The following PRKG1 variants were observed in gnomAD, a reference collection of about 807,000 sequenced individuals.
PRKG1 encodes the protein protein kinase cGMP-dependent 1.
In PRKG1, 35 loss-of-function variants were observed where a neutral mutation model predicts 88.1. The observed-to-expected ratio is 0.40, with a 90% CI of 0.30 to 0.53. The LOEUF (loss-of-function observed/expected upper bound fraction) is 0.53, where lower values mean the gene tolerates loss of function less well. Among genes scored for constraint, PRKG1 ranks in the 20% least tolerant of loss-of-function variants. The pLI, the probability that PRKG1 is intolerant of heterozygous loss-of-function variation, is 0.59. For synonymous variants in PRKG1, 303 were observed against 292.5 expected, an observed-to-expected ratio of 1.04 and a Z score of -0.37; for missense variants, 540 against 839.8, an observed-to-expected ratio of 0.64 and a Z score of 4.41.
intron 5 of PRKG1, among the ~76,000 whole-genome samples, chr10:51,952,121 T>A (rs574474277): frequency 6.6e-6 from 1 of 152,172 alleles, no homozygotes; most frequent in African/African-American, 2.4e-5. Context: ...AGAAAAAGCT[T>A]GCCAATCCCT....
intron 5 of PRKG1, among the ~76,000 whole-genome samples, chr10:51,913,314 G>C (rs141628529): frequency 1.4e-3 from 207 of 152,292 alleles, no homozygotes; most frequent in African/African-American, 4.9e-3. Context: ...AATGGATCTT[G>C]TCACCCAGGT....
intron 2 of PRKG1, among the ~76,000 whole-genome samples, chr10:51,330,160 T>A (rs141695846): frequency 0.038 from 5,308 of 137,922 alleles, 150 homozygotes; most frequent in East Asian, 0.08. Flanking sequence ...TTATTTATTT[T>A]TTTTTTTTGA....
intron 1 of PRKG1, among the ~76,000 whole-genome samples, chr10:51,035,220 G>A (rs1843338561): frequency 6.6e-6 from 1 of 152,170 alleles, no homozygotes; most frequent in Non-Finnish European, 1.5e-5. Flanking sequence ...TCTGCAAACA[G>A]GAATAATAAT....
At chr10:51,372,824 T>C (rs1362352323) in intron 2 of PRKG1, among the ~76,000 whole-genome samples, 1 of 152,172 alleles carries the variant, frequency 6.6e-6, no homozygotes, top group Non-Finnish European at 1.5e-5. Context: ...AATATGGTGG[T>C]TTAAATTTAT....
chr10:52,216,092 G>A (rs938368444), intron 9 of PRKG1, among the ~76,000 whole-genome samples: 5 of 152,208 alleles, frequency 3.3e-5, no homozygotes, highest in African/African-American at 1.2e-4. Flanking sequence ...AGTAAGAAGA[G>A]AGCTAGCAGA....
chr10:51,643,682 C>A (rs1308780469), intron 3 of PRKG1, among the ~76,000 whole-genome samples: 3 of 152,252 alleles, frequency 2.0e-5, no homozygotes, highest in Non-Finnish European at 4.4e-5. Context: ...CAAAGTAATT[C>A]TCTGGTGTCC....
Position 51,400,454 on chromosome 10 carries a change from A to G in PRKG1, c.479-67269A>G, listed in dbSNP as rs1837706415. Among the ~76,000 whole-genome samples, 7 of 152,156 alleles carry G rather than the reference A, an allele frequency of 4.6e-5. No homozygotes were observed. The South Asian group carries it at 1.5e-3, about 32-fold the overall frequency. On this transcript the variant is annotated intron_variant, in intron 2 of 17. Transcript: ENST00000373980. ...AGAGATGGAGTCTTCTGCCAGGGTA[A>G]TGGTAAGTTCAAAGGCCCTGAAACA... is the stretch of plus-strand genomic sequence containing the variant.
chr10:52,018,050 G>A (rs1257213255), intron 5 of PRKG1, among the ~76,000 whole-genome samples: 2 of 151,982 alleles, frequency 1.3e-5, no homozygotes, highest in Non-Finnish European at 2.9e-5. Context: ...GTATTTTTTG[G>A]CCATCCACAG....
intron 2 of PRKG1, among the ~76,000 whole-genome samples, chr10:51,328,273 G>C (rs1209320896): frequency 6.6e-6 from 1 of 152,092 alleles, no homozygotes; most frequent in East Asian, 1.9e-4. Context: ...GTGATGTCTT[G>C]TAGGTTCATC....
At chr10:50,999,821 C>T (rs1186663652) in intron 1 of PRKG1, among the ~76,000 whole-genome samples, 1 of 152,140 alleles carries the variant, frequency 6.6e-6, no homozygotes, top group African/African-American at 2.4e-5. Context: ...AAAAATTTTC[C>T]AAATAGAAAA....
intron 4 of PRKG1, among the ~76,000 whole-genome samples, chr10:51,894,204 A>G (rs1283085812): frequency 1.3e-5 from 2 of 152,218 alleles, no homozygotes; most frequent in Non-Finnish European, 2.9e-5. Flanking sequence ...CCAAATGAAA[A>G]TAATTGACTG....
intron 7 of PRKG1, chr10:52,125,626 TC>T (rs1438220825): frequency 6.6e-6 from 1 of 152,158 alleles, no homozygotes; most frequent in Non-Finnish European, 1.5e-5. Context: ...GTAATGCCTT[TC>T]CTATCTTAAC....
chr10:52,290,431 C>A, intron 17 of PRKG1, 141 bp downstream of exon 17: 1 of 715,114 alleles, frequency 1.4e-6, no homozygotes, highest in Non-Finnish European at 2.1e-6. Flanking sequence ...AAAATAATGA[C>A]ATATTCTAAA....
At chr10:51,923,628 A>C (rs2132985221) in intron 5 of PRKG1, among the ~76,000 whole-genome samples, 3 of 151,694 alleles carry the variant, frequency 2.0e-5, no homozygotes, top group Admixed American at 2.0e-4. Context: ...TTAACACTAC[A>C]TCACTTCACA....
chr10:52,160,832 A>G (rs1316797720), intron 8 of PRKG1, among the ~76,000 whole-genome samples: 3 of 152,078 alleles, frequency 2.0e-5, no homozygotes, highest in African/African-American at 7.2e-5. Context: ...TATCTCCATT[A>G]TAATTAGAGA....
At chr10:51,285,482 G>T (rs867718249) in intron 2 of PRKG1, among the ~76,000 whole-genome samples, 1 of 152,124 alleles carries the variant, frequency 6.6e-6, no homozygotes, top group Non-Finnish European at 1.5e-5. Flanking sequence ...TTGCACAGGT[G>T]CTTTATCTCT....
chr10:52,147,754 C>A (rs920821575), intron 8 of PRKG1, among the ~76,000 whole-genome samples: 1 of 152,016 alleles, frequency 6.6e-6, no homozygotes, highest in Admixed American at 6.6e-5. Flanking sequence ...AAAGGTAGAC[C>A]GGATGGGCTT....
chr10:51,371,962 G>A (rs903829538), intron 2 of PRKG1, among the ~76,000 whole-genome samples: 1 of 151,908 alleles, frequency 6.6e-6, no homozygotes, highest in African/African-American at 2.4e-5. Context: ...GTCCCCTGCT[G>A]TAAGAGTTTC....
rs73334502 is a variant in PRKG1, at chr10:51,465,149, C to T, written c.479-2574C>T. 5.4e-3 allele frequency among the ~76,000 whole-genome samples: 825 copies of T among 152,206 alleles called. 6 individuals carry two copies. The highest frequency in any genetic ancestry group is 0.019 in the African/African-American group (786 of 41,520). ...GCAGTGAAGGGATATTCACTCTTTC[C>T]TATGGGGCGAATATCTTATCTTTAC... On this transcript the variant is annotated intron_variant, in intron 2 of 17. Transcript: ENST00000373980.
Sources: gnomAD v4.1 joint callset for allele counts (sites outside exome capture counted in the v4.1 genomes callset) on GRCh38, gnomAD v4.1.1 for gene constraint, MANE v1.5 for transcripts, NCBI Gene and HGNC (gene_info 2026-07-23, HGNC 2026-07-21) for gene names.